The following KALRN variants were observed in gnomAD, a reference collection of about 807,000 sequenced individuals.
KALRN encodes the protein kalirin RhoGEF kinase.
KALRN carries 70 observed loss-of-function variants against 353.7 expected under a neutral mutation model. The ratio of observed to expected loss-of-function variants is 0.20; its 90% CI spans 0.16 to 0.24. KALRN has a LOEUF of 0.24. KALRN is among the 10% of genes least tolerant of loss of function. The pLI is 1.00. For synonymous variants in KALRN, 1,391 were observed against 1,434.8 expected (o/e 0.97, Z 0.69); for missense variants, 2,791 against 3,756.7 (o/e 0.74, Z 6.72).
At chr3:124,460,381 T>G (rs2059731325) in intron 23 of KALRN, among the ~76,000 whole-genome samples, 1 of 151,882 alleles carries the variant, frequency 6.6e-6, no homozygotes, top group Admixed American at 6.6e-5. Context: ...TAAAATGGGG[T>G]GGGGATAGCA....
intron 10 of KALRN, among the ~76,000 whole-genome samples, chr3:124,383,558 T>C (rs1391021149): frequency 6.6e-6 from 1 of 152,226 alleles, no homozygotes; most frequent in Admixed American, 6.5e-5. Context: ...TGTCCCTGTG[T>C]GCATGTCTGT....
intron 1 of KALRN, among the ~76,000 whole-genome samples, chr3:124,078,014 C>T: frequency 6.6e-6 from 1 of 152,226 alleles, no homozygotes; most frequent in East Asian, 1.9e-4. Context: ...AGCAGTTAGC[C>T]TGGCATATAC....
Position 124,719,653 on chromosome 3 carries a change from T to C in KALRN, c.*183T>C. 1.7e-6 allele frequency: 1 copy of C among 603,512 alleles called. No homozygotes were observed. Among genetic ancestry groups the C allele is most frequent in the Non-Finnish European group, 2.8e-6 (1 of 350,956 alleles). 37.4% of individuals were successfully genotyped at this position (603,512 alleles called of 1,614,324 possible). A position where few individuals can be genotyped will look rare whatever the true frequency, so the allele number is the denominator to read the frequency against. ...GAGCAGCAGTAAAAGTCACCCTAAA[T>C]CAAGGGGCTTTTCAGAAGGTCATTC... On this transcript the variant is annotated 3_prime_UTR_variant, in exon 60 of 60. Coordinates refer to ENST00000682506, the MANE Select transcript of KALRN (RefSeq NM_001388419.1). This position sits in a 1 kb window ranked among gnomAD's most constrained non-coding sequence, Gnocchi z 5.3.
At chr3:124,495,815 A>T (rs1165617582) in intron 32 of KALRN, among the ~76,000 whole-genome samples, 2 of 147,598 alleles carry the variant, frequency 1.4e-5, no homozygotes, top group Admixed American at 6.8e-5. Flanking sequence ...CCTCATCTTA[A>T]TTACAGCATG....
At chr3:124,670,790 A>G (rs1391315186) in intron 47 of KALRN, among the ~76,000 whole-genome samples, 1 of 152,188 alleles carries the variant, frequency 6.6e-6, no homozygotes, top group Non-Finnish European at 1.5e-5. Context: ...CAGACCTTGC[A>G]ACCTTGTTAC....
intron 8 of KALRN, among the ~76,000 whole-genome samples, chr3:124,331,439 A>C (rs537391460): frequency 7.7e-4 from 117 of 152,322 alleles, no homozygotes; most frequent in Non-Finnish European, 1.2e-3. Context: ...TTAAATAAAT[A>C]AATCAATCAT....
At chr3:124,638,274 A>G (rs894953921) in intron 37 of KALRN, among the ~76,000 whole-genome samples, 1 of 152,070 alleles carries the variant, frequency 6.6e-6, no homozygotes, top group Non-Finnish European at 1.5e-5. Flanking sequence ...AGCATATACT[A>G]TATGAATGAG....
chr3:124,060,861 G>T (rs1165216506), intron 1 of KALRN, among the ~76,000 whole-genome samples: 1 of 152,254 alleles, frequency 6.6e-6, no homozygotes, highest in African/African-American at 2.4e-5. Context: ...GGTGGAAGGG[G>T]TAGGGAAGCC....
At chr3:124,583,792 G>A (rs1003702057) in intron 34 of KALRN, among the ~76,000 whole-genome samples, 1 of 152,180 alleles carries the variant, frequency 6.6e-6, no homozygotes, top group Non-Finnish European at 1.5e-5. Flanking sequence ...GGAACTTGTA[G>A]CAATGCAAAT....
At chr3:124,368,119 G>A (rs1219090435) in intron 10 of KALRN, among the ~76,000 whole-genome samples, 1 of 71,170 alleles carries the variant, frequency 1.4e-5, no homozygotes, top group East Asian at 1.3e-3. Context: ...TCCCGGACGG[G>A]GCAGCTGGCC....
chr3:124,402,100 C>G (rs1018799292), intron 13 of KALRN, among the ~76,000 whole-genome samples: 1 of 152,144 alleles, frequency 6.6e-6, no homozygotes, highest in Non-Finnish European at 1.5e-5. Flanking sequence ...TACCCTGCAT[C>G]TGAGGAATCT....
intron 48 of KALRN, among the ~76,000 whole-genome samples, chr3:124,673,618 A>G (rs1295252981): frequency 1.3e-5 from 2 of 151,912 alleles, no homozygotes; most frequent in South Asian, 2.1e-4. Context: ...TCCTGTATGT[A>G]TATGCATATA....
rs1459913150 is a variant in KALRN at position 124,455,352 on chromosome 3, A to G, written c.3728A>G (p.Asn1243Ser). The G allele has an allele frequency of 6.2e-7, 1 of 1,613,978 alleles. No homozygotes were observed. Among genetic ancestry groups the G allele is most frequent in the South Asian group, 1.1e-5 (1 of 91,070 alleles). ...TCACTGGAGAAAGCCCTAGGAGTCA[A>G]CACAGAGGTAGGCAGGGGTATTGTC... ...RYSLEKALGV[N>S]TEDNKDLELD... Residue 1243 changes from asparagine (N) to serine (S), a missense_variant, in exon 22 of 60, where the codon AAC becomes AGC. Asn to Ser is a conservative substitution (Grantham distance 46, BLOSUM62 1). Around this residue, in one of 11 missense-constraint regions of KALRN, gnomAD observed 268 missense variants for 347.0 expected, o/e 0.77. Coordinates refer to ENST00000682506, the MANE Select transcript of KALRN (RefSeq NM_001388419.1).
intron 5 of KALRN, among the ~76,000 whole-genome samples, chr3:124,275,066 T>G (rs932499373): frequency 1.3e-5 from 2 of 152,324 alleles, no homozygotes; most frequent in Middle Eastern, 3.4e-3. Context: ...TACTTCTACT[T>G]CAGCATCTTT....
chr3:124,649,968 T>TAAC (rs1293769056), intron 37 of KALRN, among the ~76,000 whole-genome samples: 1 of 30,370 alleles, frequency 3.3e-5, no homozygotes, highest in African/African-American at 1.8e-4. Context: ...TAAAATAAAA[T>TAAC]AATAATAATA....
intron 57 of KALRN, among the ~76,000 whole-genome samples, chr3:124,707,490 C>A (rs2062692363): frequency 6.9e-6 from 1 of 145,200 alleles, no homozygotes; most frequent in East Asian, 2.0e-4. Context: ...TCCTTCCTAC[C>A]TTTTTTCTTC....
At chr3:124,462,909 A>G (rs574269521) in intron 25 of KALRN, among the ~76,000 whole-genome samples, 1 of 152,374 alleles carries the variant, frequency 6.6e-6, no homozygotes, top group East Asian at 1.9e-4. Context: ...TTGAAGAAAT[A>G]AAAGTAGCTT....
chr3:124,279,068 A>G (rs897302599), intron 5 of KALRN, among the ~76,000 whole-genome samples: 1 of 152,038 alleles, frequency 6.6e-6, no homozygotes, highest in African/African-American at 2.4e-5. Context: ...AACTTGTTGA[A>G]TGGCCTTCCT....
At chr3:124,389,755 T>C (rs541930368) in intron 11 of KALRN, among the ~76,000 whole-genome samples, 4 of 152,258 alleles carry the variant, frequency 2.6e-5, no homozygotes, top group African/African-American at 9.6e-5. Context: ...ATAACACATA[T>C]AGAATAAGGA....
Sources: allele counts gnomAD v4.1 joint callset (sites outside exome capture counted in the v4.1 genomes callset), GRCh38; gene constraint gnomAD v4.1.1; regional missense constraint gnomAD v4.1.1; non-coding constraint Gnocchi (gnomAD v3.1); transcripts MANE v1.5; gene names NCBI Gene and HGNC (gene_info 2026-07-23, HGNC 2026-07-21).